TMEM68: variants seen among roughly 807,000 people sequenced by gnomAD.
TMEM68 encodes the protein transmembrane protein 68.
Under a neutral mutation model 36.9 loss-of-function variants are expected in TMEM68, and 25 were observed. That is an observed-to-expected ratio of 0.68 (90% confidence interval 0.49 to 0.95). TMEM68 has a LOEUF of 0.95. TMEM68 is among the 40% of genes least tolerant of loss of function. TMEM68 has a pLI of 0.00. For synonymous variants in TMEM68, 131 were observed against 124.4 expected, an observed-to-expected ratio of 1.05 and a Z score of -0.35; for missense variants, 333 against 392.0, an observed-to-expected ratio of 0.85 and a Z score of 1.27.
chr8:55,768,921 G>C (rs182682295), intron 1 of TMEM68, among the ~76,000 whole-genome samples: 6 of 151,056 alleles, frequency 4.0e-5, no homozygotes, highest in Non-Finnish European at 8.9e-5. Flanking sequence ...GAGGCTGAAG[G>C]GGGAGGATCA....
At chr8:55,756,444 T>C (rs1259239738) in intron 3 of TMEM68, 33 bp from the exon 4 acceptor site, 1 of 1,531,126 alleles carries the variant, frequency 6.5e-7, no homozygotes, top group East Asian at 2.4e-5. Flanking sequence ...ATACTTAAAA[T>C]ATATTCATTA....
chr8:55,763,125 C>G, intron 2 of TMEM68, 97 bp from the exon 3 acceptor site: 1 of 614,248 alleles, frequency 1.6e-6, no homozygotes, highest in East Asian at 3.1e-5. Context: ...TTCTTAATAC[C>G]CAAAATGAGT....
chr8:55,769,018 T>TTAA lies in TMEM68; in HGVS notation c.-115+4250_-115+4251insTTA, dbSNP rs1554556017. ...GTGAAAGAGCAAGAGACTCTGTCTTTAAAAAAAAAAAAAAAAAAAAAAAGG... is the reference window on the plus strand; with the variant it reads ...GTGAAAGAGCAAGAGACTCTGTCTTTTAAAAAAAAAAAAAAAAAAAAAAAAAGG... On this transcript the variant is annotated intron_variant, in intron 1 of 7. Transcript: ENST00000434581. Among the ~76,000 whole-genome samples the TTAA allele has an allele frequency of 1.4e-3, 119 of 82,084 alleles. 1 individual carries two copies. The highest frequency in any genetic ancestry group is 5.3e-3 in the African/African-American group (107 of 20,128). The allele number at this position is 82,084 out of a possible 152,430, so 53.9% of individuals were successfully genotyped here. A position where few individuals can be genotyped will look rare whatever the true frequency, so the allele number is the denominator to read the frequency against.
At chr8:55,767,662 G>A (rs1024144016) in intron 1 of TMEM68, among the ~76,000 whole-genome samples, 7 of 152,154 alleles carry the variant, frequency 4.6e-5, no homozygotes, top group African/African-American at 7.2e-5. Context: ...TTCTGGCCAG[G>A]CACAGTGGCT....
intron 5 of TMEM68, 123 bp from the exon 6 acceptor site, chr8:55,745,244 C>T: frequency 2.1e-6 from 1 of 481,374 alleles, no homozygotes; most frequent in Non-Finnish European, 3.5e-6. Context: ...GGCCATGCCA[C>T]CCTGAACATG....
At chr8:55,769,239 C>T (rs950171873) in intron 1 of TMEM68, among the ~76,000 whole-genome samples, 2 of 148,034 alleles carry the variant, frequency 1.4e-5, no homozygotes, top group African/African-American at 5.0e-5. Flanking sequence ...ACTAGAATTG[C>T]TTGAACCCGG....
intron 3 of TMEM68, among the ~76,000 whole-genome samples, chr8:55,757,290 C>A (rs1810635866): frequency 6.6e-6 from 1 of 152,108 alleles, no homozygotes; most frequent in Non-Finnish European, 1.5e-5. Flanking sequence ...AAGACAAAAA[C>A]TGAGAATGGG....
chr8:55,743,821 G>A (rs747324951), intron 6 of TMEM68, among the ~76,000 whole-genome samples: 10 of 152,010 alleles, frequency 6.6e-5, no homozygotes, highest in Non-Finnish European at 1.5e-4. Flanking sequence ...ATTAATAATA[G>A]GAGAAACTAG....
intron 1 of TMEM68, among the ~76,000 whole-genome samples, chr8:55,771,519 A>G (rs1394027176): frequency 6.6e-6 from 1 of 152,074 alleles, no homozygotes; most frequent in African/African-American, 2.4e-5. Context: ...CGGGGGGCTG[A>G]GGTAGGAGGA....
intron 1 of TMEM68, among the ~76,000 whole-genome samples, chr8:55,765,194 G>C (rs1048480352): frequency 6.6e-6 from 1 of 152,122 alleles, no homozygotes; most frequent in Admixed American, 6.5e-5. Flanking sequence ...TAACTTCCCC[G>C]TAACTTTTCC....
chr8:55,745,056 C>T lies in TMEM68; in HGVS notation c.748+5G>A. On this transcript the variant is annotated splice_donor_5th_base_variant and intron_variant, in intron 6 of 7. Transcript: ENST00000434581. The stretch of plus-strand genomic sequence containing the variant: ...TAATTTAAAACCATACAAATCAGAA[C>T]TTACTTGTTCCTCCAAGTGATCTAA... The T allele has an allele frequency of 6.7e-7, 1 of 1,486,790 alleles. No individual in the cohort carries two copies. Among genetic ancestry groups the T allele is most frequent in the Non-Finnish European group, 8.9e-7 (1 of 1,121,332 alleles). The allele number at this position is 1,486,790 out of a possible 1,614,324, so 92.1% of individuals were successfully genotyped here.
chr8:55,749,138 T>C (rs1375497778), intron 5 of TMEM68, among the ~76,000 whole-genome samples: 1 of 152,228 alleles, frequency 6.6e-6, no homozygotes, highest in East Asian at 1.9e-4. Context: ...TTACAGTAAA[T>C]GGACTAGTTA....
At chr8:55,749,640 T>G (rs1810376673) in intron 5 of TMEM68, among the ~76,000 whole-genome samples, 1 of 152,098 alleles carries the variant, frequency 6.6e-6, no homozygotes, top group Non-Finnish European at 1.5e-5. Context: ...AATGACCAGA[T>G]CCCTTCCATC....
intron 3 of TMEM68, among the ~76,000 whole-genome samples, chr8:55,757,016 C>T (rs1012167138): frequency 2.0e-5 from 3 of 151,928 alleles, no homozygotes; most frequent in African/African-American, 7.3e-5. Context: ...GGGTTACACA[C>T]AGGGGGACTG....
At chr8:55,759,708 T>C (rs1480909161) in intron 3 of TMEM68, among the ~76,000 whole-genome samples, 1 of 152,250 alleles carries the variant, frequency 6.6e-6, no homozygotes, top group African/African-American at 2.4e-5. Flanking sequence ...CTGTAAACTT[T>C]AAGTTCATTC....
intron 5 of TMEM68, 178 bp downstream of exon 5, chr8:55,750,786 C>T (rs2129945484): frequency 1.8e-6 from 1 of 557,116 alleles, no homozygotes; most frequent in East Asian, 3.4e-5. Context: ...GATACATCCA[C>T]CTCGGCCTCC....
At chr8:55,742,419 CATATT>C (rs1314175715) in intron 7 of TMEM68, among the ~76,000 whole-genome samples, 1 of 152,058 alleles carries the variant, frequency 6.6e-6, no homozygotes, top group African/African-American at 2.4e-5. Flanking sequence ...TATGTTTTAC[CATATT>C]ATGTGTTTAC....
intron 1 of TMEM68, 95 bp downstream of exon 1, chr8:55,773,174 C>T (rs986687654): frequency 1.3e-5 from 2 of 152,736 alleles, no homozygotes; most frequent in African/African-American, 4.8e-5. Flanking sequence ...CTCCGCCGCT[C>T]CCAGTCCCGC....
chr8:55,751,256 TAAATC>T, intron 4 of TMEM68, 99 bp from the exon 5 acceptor site: 1 of 1,064,596 alleles, frequency 9.4e-7, no homozygotes, highest in Non-Finnish European at 1.3e-6. Context: ...TATTTATACT[TAAATC>T]AGTAAACTTT....
Sources: gnomAD v4.1 joint callset for allele counts (sites outside exome capture counted in the v4.1 genomes callset) on GRCh38, gnomAD v4.1.1 for gene constraint, MANE v1.5 for transcripts, NCBI Gene and HGNC (gene_info 2026-07-23, HGNC 2026-07-21) for gene names.